Variants in ARHGAP31 observed in about 807,000 individuals in gnomAD.
ARHGAP31 encodes Rho GTPase activating protein 31, also known as rho GTPase-activating protein 31.
ARHGAP31 carries 34 observed loss-of-function variants against 113.9 expected under a neutral mutation model. The observed-to-expected ratio is 0.30, with a 90% CI of 0.23 to 0.40. ARHGAP31 has a LOEUF of 0.40. Among genes scored for constraint, ARHGAP31 ranks in the 10% least tolerant of loss-of-function variants. The pLI is 1.00. For missense variants in ARHGAP31, 1,548 were observed against 1,767.1 expected (o/e 0.88, Z 2.22); for synonymous variants, 650 against 684.8 (o/e 0.95, Z 0.79).
chr3:119,391,884 G>A (rs1052204580), intron 7 of ARHGAP31, among the ~76,000 whole-genome samples: 4 of 152,004 alleles, frequency 2.6e-5, no homozygotes, highest in Non-Finnish European at 5.9e-5. Flanking sequence ...TATATGGATC[G>A]TGTTTTCTTG....
intron 1 of ARHGAP31, among the ~76,000 whole-genome samples, chr3:119,321,433 G>GA (rs1389575007): frequency 1.3e-5 from 2 of 149,074 alleles, no homozygotes; most frequent in South Asian, 2.1e-4. Flanking sequence ...GTTTTAGAAA[G>GA]AAAAAAATAC....
chr3:119,294,945 G>C lies in ARHGAP31; in HGVS notation c.41G>C (p.Gly14Ala). The C allele has an allele frequency of 3.7e-6, 6 of 1,614,130 alleles. No homozygotes were observed. The highest frequency in any genetic ancestry group is 5.1e-6 in the Non-Finnish European group (6 of 1,180,018). The stretch of plus-strand genomic sequence containing the variant: ...GCTAAGCAGAAGCTGAAACGAAAGG[G>C]AGCCGCCAGCGCGTTTGGCTGTGAC... ...KGAKQKLKRK[G>A]AASAFGCDLT... Residue 14 changes from glycine to alanine, a missense_variant, in exon 1 of 12, where the codon GGA (glycine) becomes GCA (alanine). Gly to Ala is a moderately conservative substitution (Grantham distance 60). Transcript: ENST00000264245.
intron 3 of ARHGAP31, among the ~76,000 whole-genome samples, chr3:119,374,666 G>GCT (rs370920444): frequency 2.0e-5 from 3 of 151,706 alleles, no homozygotes; most frequent in South Asian, 2.1e-4. Flanking sequence ...TTCCCCCTTA[G>GCT]CTCTCTCTCT....
At chr3:119,304,564 T>TA (rs1369635472) in intron 1 of ARHGAP31, among the ~76,000 whole-genome samples, 1 of 151,962 alleles carries the variant, frequency 6.6e-6, no homozygotes, top group Non-Finnish European at 1.5e-5. Context: ...TGAGGGTACT[T>TA]AGAGTGGTGA....
At chr3:119,321,672 GGAGA>G (rs2079787689) in intron 1 of ARHGAP31, among the ~76,000 whole-genome samples, 1 of 151,824 alleles carries the variant, frequency 6.6e-6, no homozygotes, top group Non-Finnish European at 1.5e-5. Flanking sequence ...GTTTTGAGAC[GGAGA>G]CTCGCTCTGT....
rs777061104 is a variant in ARHGAP31 at position 119,367,625 on chromosome 3, G to A, written c.204-747G>A. 2.6e-4 allele frequency among the ~76,000 whole-genome samples: 40 copies of A among 152,098 alleles called. 1 individual carries two copies. The highest frequency in any genetic ancestry group is 1.5e-3 in the Admixed American group (23 of 15,266). ...TGTAATCTCAGCACTTTGGGAGGCC[G>A]AGGTGGTCAGATCACGAGGTCAGGA... On this transcript the variant is annotated intron_variant, in intron 2 of 11. Coordinates refer to ENST00000264245, the MANE Select transcript of ARHGAP31 (RefSeq NM_020754.4).
At chr3:119,363,084 G>A (rs184254853) in intron 1 of ARHGAP31, among the ~76,000 whole-genome samples, 2 of 152,170 alleles carry the variant, frequency 1.3e-5, no homozygotes, top group African/African-American at 2.4e-5. Context: ...TTTGCCCAAG[G>A]TTACAAAAGC....
intron 2 of ARHGAP31, among the ~76,000 whole-genome samples, chr3:119,366,631 A>T (rs568499986): frequency 6.6e-6 from 1 of 152,314 alleles, no homozygotes; most frequent in East Asian, 1.9e-4. Context: ...CCGGAAGGAC[A>T]CTTCAGTAGT....
intron 1 of ARHGAP31, among the ~76,000 whole-genome samples, chr3:119,341,557 G>A (rs187566512): frequency 1.2e-3 from 176 of 152,186 alleles, no homozygotes; most frequent in African/African-American, 4.0e-3. Flanking sequence ...CAAAATTAGC[G>A]TTATGAACCC....
rs1311691832 is a variant in ARHGAP31, at chr3:119,383,076, C to T, written c.540-8C>T. 1 of 1,613,974 alleles carries T rather than the reference C, an allele frequency of 6.2e-7. No individual in the cohort carries two copies. Among genetic ancestry groups the T allele is most frequent in the Non-Finnish European group, 8.5e-7 (1 of 1,180,048 alleles). ...TCACTAACTGAATATGTTTCTTCCA[C>T]ACGGTAGGTCTAAAGAAATTGAAGC... On this transcript the variant is annotated splice_region_variant and splice_polypyrimidine_tract_variant and intron_variant, in intron 5 of 11. Coordinates refer to ENST00000264245, the MANE Select transcript of ARHGAP31 (RefSeq NM_020754.4).
At chr3:119,398,663 G>A (rs1174844193) in intron 8 of ARHGAP31, among the ~76,000 whole-genome samples, 1 of 152,206 alleles carries the variant, frequency 6.6e-6, no homozygotes, top group Admixed American at 6.5e-5. Context: ...TCTGTTCAGG[G>A]TGAAGCTAAT....
intron 5 of ARHGAP31, 112 bp downstream of exon 5, chr3:119,382,511 T>C (rs1379696089): frequency 9.7e-7 from 1 of 1,034,012 alleles, no homozygotes; most frequent in Non-Finnish European, 1.4e-6. Flanking sequence ...AATCTGTGGC[T>C]TAAGTGGTCA....
rs1037790079 is a variant in ARHGAP31 at position 119,372,578 on chromosome 3, C to T, written c.348+4062C>T. On this transcript the variant is annotated intron_variant, in intron 3 of 11. Coordinates refer to ENST00000264245, the MANE Select transcript of ARHGAP31 (RefSeq NM_020754.4). The stretch of plus-strand genomic sequence containing the variant: ...GATTACAGGCGTGAACCACCGCACC[C>T]GGCCTATTTTTGACTTTTTAGTAAT... 1.1e-4 allele frequency among the ~76,000 whole-genome samples: 17 copies of T among 152,146 alleles called. No individual in the cohort carries two copies. In the South Asian group the frequency reaches 2.3e-3, roughly 20 times the overall value.
Position 119,415,781 on chromosome 3 carries a change from G to A in ARHGAP31, c.3852G>A (p.Glu1284=). The A allele has an allele frequency of 6.2e-7, 1 of 1,614,222 alleles. No homozygotes were observed. The highest frequency in any genetic ancestry group is 8.5e-7 in the Non-Finnish European group (1 of 1,180,046). Residue 1284 remains glutamate, a synonymous_variant, in exon 12 of 12, where the codon GAG becomes GAA. Coordinates refer to ENST00000264245, the MANE Select transcript of ARHGAP31 (RefSeq NM_020754.4). ...ATGCCACTGCACCCTGCATGTGCGA[G>A]GGACCTACCCTTTCTCCAGAACCAG... ...PVDATAPCMC[E]GPTLSPEPGS... is the part of the protein sequence containing the mutation.
At chr3:119,315,322 A>G (rs2079719800) in intron 1 of ARHGAP31, among the ~76,000 whole-genome samples, 1 of 152,250 alleles carries the variant, frequency 6.6e-6, no homozygotes, top group South Asian at 2.1e-4. Flanking sequence ...ATTATCAAAC[A>G]AATTTTATTA....
chr3:119,297,909 A>AC (rs113464687), intron 1 of ARHGAP31, among the ~76,000 whole-genome samples: 6 of 142,688 alleles, frequency 4.2e-5, no homozygotes, highest in Admixed American at 2.8e-4. Context: ...TTTCCTTAGA[A>AC]ACACACACAC....
chr3:119,416,408 C>A lies in ARHGAP31; in HGVS notation c.*144C>A. 1.7e-6 allele frequency: 2 copies of A among 1,167,648 alleles called. No homozygotes were observed. Among genetic ancestry groups the A allele is most frequent in the Non-Finnish European group, 2.5e-6 (2 of 812,008 alleles). 72.3% of individuals were successfully genotyped at this position (1,167,648 alleles called of 1,614,324 possible). On this transcript the variant is annotated 3_prime_UTR_variant, in exon 12 of 12. Transcript: ENST00000264245. Reference sequence around the variant, plus strand: ...TTCTCTTTCTTCAGCCTTTTGACCACTTATTAATTAGTCCATTTGCTAGAA... The same window carrying A: ...TTCTCTTTCTTCAGCCTTTTGACCAATTATTAATTAGTCCATTTGCTAGAA...
At chr3:119,324,586 G>T (rs527659735) in intron 1 of ARHGAP31, among the ~76,000 whole-genome samples, 1 of 152,158 alleles carries the variant, frequency 6.6e-6, no homozygotes, top group Non-Finnish European at 1.5e-5. Context: ...TCACATCAAG[G>T]TTCCTTGTCC....
chr3:119,373,897 A>G (rs1235482252), intron 3 of ARHGAP31, among the ~76,000 whole-genome samples: 2 of 152,254 alleles, frequency 1.3e-5, no homozygotes, highest in Admixed American at 6.5e-5. Context: ...CTAGGACTCC[A>G]TTCTAGGGTG....
Sources: allele counts gnomAD v4.1 joint callset (sites outside exome capture counted in the v4.1 genomes callset), GRCh38; gene constraint gnomAD v4.1.1; transcripts MANE v1.5; gene names NCBI Gene and HGNC (gene_info 2026-07-23, HGNC 2026-07-21).